Variants in PTPRD observed in about 807,000 individuals in gnomAD.
PTPRD encodes the protein protein tyrosine phosphatase receptor type D, also known as receptor-type tyrosine-protein phosphatase delta.
In PTPRD, 34 loss-of-function variants were observed where a neutral mutation model predicts 214.5. The ratio of observed to expected loss-of-function variants is 0.16; its 90% CI spans 0.12 to 0.21. PTPRD has a LOEUF of 0.21. Among genes scored for constraint, PTPRD ranks in the 10% least tolerant of loss-of-function variants. The pLI is 1.00. For missense variants in PTPRD, 2,545 were observed against 2,398.7 expected (o/e 1.06, Z -1.27); for synonymous variants, 1,128 against 845.7 (o/e 1.33, Z -5.79).
chr9:9,041,635 G>A (rs1463570983), intron 10 of PTPRD, among the ~76,000 whole-genome samples: 2 of 152,158 alleles, frequency 1.3e-5, no homozygotes, highest in Non-Finnish European at 2.9e-5. Context: ...ATACCCTGAG[G>A]AGGCGTGAAC....
At chr9:10,363,991 GTTTTTTTTT>G (rs71270610) in intron 2 of PTPRD, among the ~76,000 whole-genome samples, 2 of 35,132 alleles carry the variant, frequency 5.7e-5, no homozygotes, top group African/African-American at 2.5e-4. Flanking sequence ...ACATTTTCGG[GTTTTTTTTT>G]TTTTTTTTTT....
At chr9:8,752,864 T>G (rs1260182234) in intron 11 of PTPRD, among the ~76,000 whole-genome samples, 1 of 152,166 alleles carries the variant, frequency 6.6e-6, no homozygotes, top group Non-Finnish European at 1.5e-5. Flanking sequence ...ATTGAGATAA[T>G]TAAGTGGGTA....
chr9:10,607,930 T>C (rs2079901993), intron 2 of PTPRD, among the ~76,000 whole-genome samples: 1 of 151,970 alleles, frequency 6.6e-6, no homozygotes, highest in Non-Finnish European at 1.5e-5. Flanking sequence ...AAAATTATTG[T>C]CTGTGTATTT....
chr9:9,716,536 G>C (rs1457655256), intron 7 of PTPRD, among the ~76,000 whole-genome samples: 1 of 152,004 alleles, frequency 6.6e-6, no homozygotes, highest in African/African-American at 2.4e-5. Context: ...ACTTTTTAAT[G>C]ATTGCCGTTC....
chr9:9,437,780 A>T (rs16929376), intron 8 of PTPRD, among the ~76,000 whole-genome samples: 33,908 of 152,072 alleles, frequency 0.22, 4,544 homozygotes, highest in East Asian at 0.44. Flanking sequence ...CAAATTTCAC[A>T]GTTAACCCGA....
intron 5 of PTPRD, among the ~76,000 whole-genome samples, chr9:9,778,363 G>A (rs1162982276): frequency 1.3e-5 from 2 of 152,154 alleles, no homozygotes; most frequent in East Asian, 1.9e-4. Flanking sequence ...GATCTGGCAG[G>A]GGGATTTCCC....
At chr9:9,758,101 C>T (rs910272070) in intron 6 of PTPRD, among the ~76,000 whole-genome samples, 7 of 142,460 alleles carry the variant, frequency 4.9e-5, no homozygotes, top group African/African-American at 1.4e-4. Context: ...CTAACACCTG[C>T]GGGCTGTATT....
In PTPRD at chr9:9,901,672, T is replaced by C. The variant is rs751992053; in HGVS notation, c.-368+36835A>G. Among the ~76,000 whole-genome samples, 5 of 152,150 alleles carry C rather than the reference T, an allele frequency of 3.3e-5. 1 individual carries two copies. The highest frequency in any genetic ancestry group is 1.3e-4 in the Admixed American group (2 of 15,266). ...GTGGTGAGTTGATTATATTAGTTAG[T>C]TCTCATATTACTATAAATAACTACT... is the stretch of plus-strand genomic sequence containing the variant. On this transcript the variant is annotated intron_variant, in intron 5 of 45. Transcript: ENST00000381196.
intron 12 of PTPRD, among the ~76,000 whole-genome samples, chr9:8,718,761 C>T (rs1016353532): frequency 1.3e-4 from 20 of 152,160 alleles, no homozygotes; most frequent in African/African-American, 3.9e-4. Flanking sequence ...GACCATAGTT[C>T]GTTCTTAAAT....
At chr9:9,331,091 A>G (rs1235664360) in intron 9 of PTPRD, among the ~76,000 whole-genome samples, 1 of 152,066 alleles carries the variant, frequency 6.6e-6, no homozygotes, top group African/African-American at 2.4e-5. Context: ...GGGCTGAAAT[A>G]CAGTAATGTA....
intron 21 of PTPRD, among the ~76,000 whole-genome samples, chr9:8,516,865 A>G (rs1386439685): frequency 7.5e-6 from 1 of 133,524 alleles, no homozygotes; most frequent in Non-Finnish European, 1.5e-5. Flanking sequence ...GTGTAGTGGT[A>G]CAATCTTAGC....
intron 7 of PTPRD, among the ~76,000 whole-genome samples, chr9:9,671,595 T>G (rs193167917): frequency 6.6e-6 from 1 of 152,236 alleles, no homozygotes; most frequent in East Asian, 1.9e-4. Context: ...CCACATCTTG[T>G]GGGAGGGACC....
chr9:8,801,282 T>A (rs74447387), intron 11 of PTPRD, among the ~76,000 whole-genome samples: 1,854 of 152,298 alleles, frequency 0.012, 39 homozygotes, highest in African/African-American at 0.041. Context: ...AAACTTCCCT[T>A]TGTCTCATAT....
chr9:10,544,260 G>T (rs1487595942), intron 2 of PTPRD, among the ~76,000 whole-genome samples: 3 of 151,894 alleles, frequency 2.0e-5, no homozygotes, highest in Admixed American at 6.6e-5. Flanking sequence ...GGATAAATCT[G>T]TCACAGGGAC....
chr9:10,257,489 T>C (rs111446348), intron 3 of PTPRD, among the ~76,000 whole-genome samples: 4 of 152,314 alleles, frequency 2.6e-5, no homozygotes, highest in African/African-American at 7.2e-5. Context: ...GTATGCATCA[T>C]ATCCAATTGA....
At chr9:9,219,479 T>G (rs1343796477) in intron 9 of PTPRD, among the ~76,000 whole-genome samples, 1 of 152,110 alleles carries the variant, frequency 6.6e-6, no homozygotes, top group South Asian at 2.1e-4. Flanking sequence ...AACATTTGGC[T>G]AAAAGCCAAA....
chr9:10,457,477 T>C (rs2098927089), intron 2 of PTPRD, among the ~76,000 whole-genome samples: 1 of 152,064 alleles, frequency 6.6e-6, no homozygotes, highest in African/African-American at 2.4e-5. Flanking sequence ...CGTGTATTAG[T>C]AGTGTAGCAT....
chr9:9,242,504 T>C (rs11515427), intron 9 of PTPRD, among the ~76,000 whole-genome samples: 17,718 of 152,126 alleles, frequency 0.12, 1,201 homozygotes, highest in Middle Eastern at 0.15. Flanking sequence ...GATTTGGTCT[T>C]TTCACATAGT....
chr9:10,425,035 T>C (rs544781802), intron 2 of PTPRD, among the ~76,000 whole-genome samples: 1 of 152,134 alleles, frequency 6.6e-6, no homozygotes, highest in Non-Finnish European at 1.5e-5. Flanking sequence ...AGAGTACCTA[T>C]ATATAGGGTT....
Sources: gnomAD v4.1 joint callset for allele counts (sites outside exome capture counted in the v4.1 genomes callset) on GRCh38, gnomAD v4.1.1 for gene constraint, MANE v1.5 for transcripts, NCBI Gene and HGNC (gene_info 2026-07-23, HGNC 2026-07-21) for gene names.